RAPGEF4: variants seen among roughly 807,000 people sequenced by gnomAD.
RAPGEF4 encodes the protein Rap guanine nucleotide exchange factor 4, also known as RAP guanine-nucleotide-exchange factor (GEF) 4.
A neutral mutation model predicts 147.9 loss-of-function variants in RAPGEF4; 66 were observed. That is an observed-to-expected ratio of 0.45 (90% confidence interval 0.37 to 0.55). The LOEUF (loss-of-function observed/expected upper bound fraction) is 0.55. Among genes scored for constraint, RAPGEF4 ranks in the 20% least tolerant of loss-of-function variants. The pLI is 0.00. For missense variants in RAPGEF4, 1,071 were observed against 1,257.3 expected (o/e 0.85, Z 2.24); for synonymous variants, 419 against 442.7 (o/e 0.95, Z 0.67).
intron 4 of RAPGEF4, among the ~76,000 whole-genome samples, chr2:172,836,004 G>A (rs1177414286): frequency 6.6e-6 from 1 of 152,094 alleles, no homozygotes; most frequent in Non-Finnish European, 1.5e-5. Flanking sequence ...TTGAATGAGG[G>A]TGATAGTTGT....
chr2:172,911,603 C>A (rs1176875899), intron 4 of RAPGEF4, among the ~76,000 whole-genome samples: 1 of 151,678 alleles, frequency 6.6e-6, no homozygotes, highest in Non-Finnish European at 1.5e-5. Context: ...GAATTATAGG[C>A]GTGTACCACC....
chr2:172,961,231 A>T lies in RAPGEF4; in HGVS notation c.698+3A>T. On this transcript the variant is annotated splice_donor_region_variant and intron_variant, in intron 8 of 30. Coordinates refer to ENST00000397081, the MANE Select transcript of RAPGEF4 (RefSeq NM_007023.4). ...AAATACCACCTAAAGACATACAGGT[A>T]TGTGTGCTAATTCTAAAGGCTGTGC... 6.4e-7 allele frequency: 1 copy of T among 1,558,764 alleles called. No homozygotes were observed. Among genetic ancestry groups the T allele is most frequent in the Middle Eastern group, 1.7e-4 (1 of 5,958 alleles).
chr2:172,797,366 G>A (rs574618551), intron 2 of RAPGEF4, among the ~76,000 whole-genome samples, 159 bp from the exon 3 acceptor site: 1 of 152,306 alleles, frequency 6.6e-6, no homozygotes, highest in Admixed American at 6.5e-5. Flanking sequence ...GACAGATGAG[G>A]TAAAGAAAAA....
chr2:172,961,322 CA>C, intron 8 of RAPGEF4, 94 bp downstream of exon 8: 20 of 1,015,142 alleles, frequency 2.0e-5, no homozygotes, highest in Non-Finnish European at 3.0e-5. Flanking sequence ...CATGTGGGCG[CA>C]GCCCATTTTG....
At chr2:172,760,927 A>G (rs1696257796) in intron 1 of RAPGEF4, among the ~76,000 whole-genome samples, 1 of 151,994 alleles carries the variant, frequency 6.6e-6, no homozygotes, top group East Asian at 1.9e-4. Context: ...GAAAACTTAA[A>G]GAAATCCACA....
At chr2:172,736,827 T>C (rs1244137647) in intron 1 of RAPGEF4, among the ~76,000 whole-genome samples, 1 of 152,230 alleles carries the variant, frequency 6.6e-6, no homozygotes, top group African/African-American at 2.4e-5. Context: ...CTTATTACCC[T>C]GATTAAAAGG....
At chr2:172,854,474 A>G (rs111464171) in intron 4 of RAPGEF4, among the ~76,000 whole-genome samples, 37 of 152,130 alleles carry the variant, frequency 2.4e-4, no homozygotes, top group African/African-American at 8.7e-4. Context: ...TTCTTTGTAT[A>G]TAAAAGGTAT....
intron 17 of RAPGEF4, among the ~76,000 whole-genome samples, chr2:173,001,993 C>CAAAAAGAAAAAAA (rs1693970823): frequency 1.3e-5 from 1 of 79,312 alleles, no homozygotes; most frequent in Admixed American, 1.7e-4. Context: ...GTGATGCTGG[C>CAAAAAGAAAAAAA]AAAAAAAAAA....
At chr2:172,979,944 G>C (rs900417298) in intron 10 of RAPGEF4, among the ~76,000 whole-genome samples, 1 of 152,214 alleles carries the variant, frequency 6.6e-6, no homozygotes, top group East Asian at 1.9e-4. Context: ...TTAAACTCGG[G>C]GGGCAGAGCT....
At chr2:172,969,296 G>A (rs750372) in intron 10 of RAPGEF4, among the ~76,000 whole-genome samples, 1 of 152,108 alleles carries the variant, frequency 6.6e-6, no homozygotes, top group Admixed American at 6.5e-5. Context: ...GAACAAGAAG[G>A]CTTCTCCTCC....
chr2:172,985,301 G>C (rs1332805077), intron 11 of RAPGEF4, 132 bp from the exon 12 acceptor site: 3 of 1,230,830 alleles, frequency 2.4e-6, no homozygotes, highest in Non-Finnish European at 3.5e-6. Context: ...GAGAGCAGCA[G>C]CAAGAGAGGT....
chr2:172,984,922 T>TA (rs3214813), intron 11 of RAPGEF4, among the ~76,000 whole-genome samples: 1 of 151,942 alleles, frequency 6.6e-6, no homozygotes, highest in East Asian at 1.9e-4. Context: ...AATTTTTTTT[T>TA]AAATGTGAAT....
chr2:172,946,895 C>T (rs1010522586), intron 6 of RAPGEF4, among the ~76,000 whole-genome samples: 4 of 152,190 alleles, frequency 2.6e-5, no homozygotes, highest in East Asian at 1.9e-4. Context: ...AAGTGGGTAA[C>T]GACTACCTAT....
At chr2:172,967,223 G>A in intron 9 of RAPGEF4, 38 bp from the exon 10 acceptor site, 4 of 1,586,914 alleles carry the variant, frequency 2.5e-6, no homozygotes, top group East Asian at 2.2e-5. Context: ...GTGAGGCCGA[G>A]GTGCTGCAGC....
At chr2:172,952,332 G>C (rs142488100) in intron 6 of RAPGEF4, among the ~76,000 whole-genome samples, 1 of 152,202 alleles carries the variant, frequency 6.6e-6, no homozygotes, top group Non-Finnish European at 1.5e-5. Context: ...ACTATTCCCA[G>C]GTTTGGACTT....
intron 12 of RAPGEF4, among the ~76,000 whole-genome samples, chr2:172,987,032 G>T (rs999295440): frequency 6.6e-6 from 1 of 152,048 alleles, no homozygotes; most frequent in Non-Finnish European, 1.5e-5. Flanking sequence ...AATTATACAC[G>T]CTGGGTGCAG....
At chr2:172,976,174 T>C (rs188328340) in intron 10 of RAPGEF4, among the ~76,000 whole-genome samples, 115 of 152,304 alleles carry the variant, frequency 7.6e-4, no homozygotes, top group Non-Finnish European at 1.6e-4. Flanking sequence ...AAAGGGAACT[T>C]AAAACGTCCT....
At chr2:173,003,787 A>G (rs1376656386) in intron 17 of RAPGEF4, among the ~76,000 whole-genome samples, 1 of 152,202 alleles carries the variant, frequency 6.6e-6, no homozygotes, top group Non-Finnish European at 1.5e-5. Flanking sequence ...GAGTTTAAGA[A>G]CATTTCAAGA....
At position 172,965,617 on chromosome 2, in the gene RAPGEF4, G is replaced by A. The variant is rs1344991981; in HGVS notation, c.754G>A (p.Val252Ile). 1.2e-6 allele frequency: 2 copies of A among 1,614,004 alleles called. No individual in the cohort carries two copies. Among genetic ancestry groups the A allele is most frequent in the South Asian group, 2.2e-5 (2 of 91,076 alleles). Residue 252 changes from valine (V) to isoleucine (I), a missense_variant, in exon 9 of 31, where the codon GTT becomes ATT. Physicochemically the swap from Val to Ile is conservative, Grantham distance 29. Coordinates refer to ENST00000397081, the MANE Select transcript of RAPGEF4 (RefSeq NM_007023.4). ...VDWMMQQTPC[V>I]HSRTQAVGMW... is the part of the protein sequence containing the mutation. ...CTGGATGATGCAGCAGACACCATGTGTTCACTCCCGGACTCAAGCTGTTGG... is the reference window on the plus strand; with the variant it reads ...CTGGATGATGCAGCAGACACCATGTATTCACTCCCGGACTCAAGCTGTTGG...
Sources: allele counts gnomAD v4.1 joint callset (sites outside exome capture counted in the v4.1 genomes callset), GRCh38; gene constraint gnomAD v4.1.1; transcripts MANE v1.5; gene names NCBI Gene and HGNC (gene_info 2026-07-23, HGNC 2026-07-21).